The following DCLK2 variants were observed in gnomAD, a reference collection of about 807,000 sequenced individuals.
DCLK2 encodes serine/threonine-protein kinase DCLK2.
Under a neutral mutation model 78.4 loss-of-function variants are expected in DCLK2, and 31 were observed. The observed-to-expected ratio is 0.40, with a 90% confidence interval of 0.30 to 0.53. The LOEUF (loss-of-function observed/expected upper bound fraction) is 0.53, where lower values mean the gene tolerates loss of function less well. DCLK2 is among the 20% of genes least tolerant of loss of function. The probability of loss-of-function intolerance (pLI) is 0.61; values close to 1 mark genes in which losing one functional copy is unlikely to be tolerated. For missense variants in DCLK2, 872 were observed against 973.7 expected, an observed-to-expected ratio of 0.90 and a Z score of 1.39; for synonymous variants, 407 against 374.9, an observed-to-expected ratio of 1.09 and a Z score of -0.99.
chr4:150,201,333 G>A (rs753292927), intron 4 of DCLK2, among the ~76,000 whole-genome samples: 29 of 152,098 alleles, frequency 1.9e-4, no homozygotes, highest in Non-Finnish European at 3.1e-4. Context: ...CGGCAGCAGC[G>A]GAAGTTGCAG....
At chr4:150,205,259 G>T (rs556223779) in intron 5 of DCLK2, among the ~76,000 whole-genome samples, 1 of 152,270 alleles carries the variant, frequency 6.6e-6, no homozygotes. Context: ...TTCTCAGAAC[G>T]TTTTGTTCTC....
intron 2 of DCLK2, among the ~76,000 whole-genome samples, chr4:150,111,538 A>G (rs1481187600): frequency 6.6e-6 from 1 of 151,458 alleles, no homozygotes; most frequent in Non-Finnish European, 1.5e-5. Flanking sequence ...GGTCTTAGTC[A>G]CAATTTCTTT....
intron 2 of DCLK2, among the ~76,000 whole-genome samples, chr4:150,181,842 G>A (rs1033119556): frequency 6.6e-6 from 1 of 152,078 alleles, no homozygotes; most frequent in Admixed American, 6.5e-5. Context: ...CTTACTGTAG[G>A]CCAGCCAACA....
Position 150,141,588 on chromosome 4 carries a change from G to A in DCLK2, c.756+38776G>A, listed in dbSNP as rs182219265. On this transcript the variant is annotated intron_variant, in intron 2 of 15. Transcript: ENST00000296550. Reference sequence around the variant, plus strand: ...CATCTCTACAAGACCAGGGTTCTGGGAATATTCATTGTCACTTTTCTTCAG... The same window carrying A: ...CATCTCTACAAGACCAGGGTTCTGGAAATATTCATTGTCACTTTTCTTCAG... 3.3e-5 allele frequency among the ~76,000 whole-genome samples: 5 copies of A among 152,250 alleles called. No homozygotes were observed. In the East Asian group the frequency reaches 9.6e-4, roughly 29 times the overall value.
chr4:150,203,933 T>C, intron 5 of DCLK2, 44 bp downstream of exon 5: 1 of 1,533,402 alleles, frequency 6.5e-7, no homozygotes, highest in East Asian at 2.2e-5. Flanking sequence ...TTTTGTTATT[T>C]AGAGTTTCAT....
intron 5 of DCLK2, among the ~76,000 whole-genome samples, chr4:150,205,447 G>A (rs191824585): frequency 1.2e-4 from 18 of 152,316 alleles, no homozygotes; most frequent in African/African-American, 3.8e-4. Flanking sequence ...CTAGTAGGAC[G>A]TTTGGAAGTA....
At chr4:150,129,842 A>C (rs1164819048) in intron 2 of DCLK2, among the ~76,000 whole-genome samples, 1 of 152,002 alleles carries the variant, frequency 6.6e-6, no homozygotes, top group African/African-American at 2.4e-5. Context: ...CAAAATAAAA[A>C]ATTTCTTAAC....
intron 2 of DCLK2, among the ~76,000 whole-genome samples, chr4:150,141,469 G>A (rs932574960): frequency 3.3e-5 from 5 of 152,190 alleles, no homozygotes; most frequent in Admixed American, 1.3e-4. Flanking sequence ...AGCACTTAAA[G>A]TTTTGGTTCT....
At chr4:150,198,635 A>C (rs760114961) in intron 4 of DCLK2, among the ~76,000 whole-genome samples, 1 of 152,224 alleles carries the variant, frequency 6.6e-6, no homozygotes, top group Non-Finnish European at 1.5e-5. Context: ...TCTTAAGCCT[A>C]TAAATTTGTC....
chr4:150,078,964 A>G lies in DCLK2; in HGVS notation c.-64A>G. The G allele has an allele frequency of 7.5e-6, 11 of 1,470,116 alleles. No homozygotes were observed. The highest frequency in any genetic ancestry group is 9.9e-6 in the Non-Finnish European group (11 of 1,111,190). 91.1% of individuals were successfully genotyped at this position (1,470,116 alleles called of 1,614,324 possible). On this transcript the variant is annotated 5_prime_UTR_variant, in exon 1 of 16. Coordinates refer to ENST00000296550, the MANE Select transcript of DCLK2 (RefSeq NM_001040260.4). ...GGCCCTCGCAGTCAGACGTCCCTGC[A>G]CCGGCGCTCGCACCCTTAGTCGGCC... is the stretch of plus-strand genomic sequence containing the variant.
intron 2 of DCLK2, among the ~76,000 whole-genome samples, chr4:150,170,524 A>G (rs1265091893): frequency 1.3e-5 from 2 of 152,208 alleles, no homozygotes; most frequent in Non-Finnish European, 2.9e-5. Context: ...TATGCTAGAA[A>G]CAGTAGGGGA....
At chr4:150,186,170 C>G (rs1212570619) in intron 2 of DCLK2, among the ~76,000 whole-genome samples, 1 of 152,056 alleles carries the variant, frequency 6.6e-6, no homozygotes, top group Non-Finnish European at 1.5e-5. Flanking sequence ...GCCTTCTAAA[C>G]TGATACACTT....
intron 1 of DCLK2, among the ~76,000 whole-genome samples, chr4:150,080,133 A>C (rs933854914): frequency 7.0e-6 from 1 of 142,180 alleles, no homozygotes; most frequent in African/African-American, 2.5e-5. Flanking sequence ...GGTGATTCTA[A>C]TGTGGGACCC....
intron 2 of DCLK2, among the ~76,000 whole-genome samples, chr4:150,186,170 C>T (rs1212570619): frequency 6.6e-6 from 1 of 152,056 alleles, no homozygotes. Flanking sequence ...GCCTTCTAAA[C>T]TGATACACTT....
intron 2 of DCLK2, among the ~76,000 whole-genome samples, chr4:150,108,839 T>C (rs899245798): frequency 1.3e-5 from 2 of 152,178 alleles, no homozygotes; most frequent in African/African-American, 4.8e-5. Flanking sequence ...TTGGAACAAG[T>C]TGATTCTTGT....
Position 150,078,949 on chromosome 4 carries a change from G to C in DCLK2, c.-79G>C. 7.0e-7 allele frequency: 1 copy of C among 1,426,734 alleles called. No homozygotes were observed. Among genetic ancestry groups the C allele is most frequent in the Non-Finnish European group, 9.2e-7 (1 of 1,087,258 alleles). The allele number at this position is 1,426,734 out of a possible 1,614,324, so 88.4% of individuals were successfully genotyped here. On this transcript the variant is annotated 5_prime_UTR_variant, in exon 1 of 16. Transcript: ENST00000296550. ...TCCCGGCGCGTTAAGGGCCCTCGCA[G>C]TCAGACGTCCCTGCACCGGCGCTCG...
At chr4:150,183,109 G>T (rs1456297725) in intron 2 of DCLK2, among the ~76,000 whole-genome samples, 1 of 152,114 alleles carries the variant, frequency 6.6e-6, no homozygotes, top group African/African-American at 2.4e-5. Flanking sequence ...TTCAAAAGAT[G>T]GACATTTCAA....
intron 2 of DCLK2, among the ~76,000 whole-genome samples, chr4:150,147,873 C>CAATATTTATTGGCA (rs531174005): frequency 1.3e-3 from 197 of 152,094 alleles, no homozygotes; most frequent in Admixed American, 2.0e-3. Flanking sequence ...TCAATCTGGG[C>CAATATTTATTGGCA]AATATTTATT....
At chr4:150,173,566 A>T (rs1040925158) in intron 2 of DCLK2, among the ~76,000 whole-genome samples, 8 of 152,294 alleles carry the variant, frequency 5.3e-5, no homozygotes, top group African/African-American at 1.7e-4. Context: ...TGAAGTGCTG[A>T]GCCTACCCAC....
Sources: gnomAD v4.1 joint callset for allele counts (sites outside exome capture counted in the v4.1 genomes callset) on GRCh38, gnomAD v4.1.1 for gene constraint, MANE v1.5 for transcripts, NCBI Gene and HGNC (gene_info 2026-07-23, HGNC 2026-07-21) for gene names.